The following PPP6R3 variants were observed in gnomAD, a reference collection of about 807,000 sequenced individuals.
PPP6R3 encodes the protein protein phosphatase 6 regulatory subunit 3, also known as serine/threonine-protein phosphatase 6 regulatory subunit 3.
In PPP6R3, 38 loss-of-function variants were observed where a neutral mutation model predicts 110.7. The ratio of observed to expected loss-of-function variants is 0.34; its 90% confidence interval spans 0.26 to 0.45. PPP6R3 has a LOEUF of 0.45. PPP6R3 is among the 20% of genes least tolerant of loss of function. PPP6R3 has a pLI of 1.00. For missense variants in PPP6R3, 870 were observed against 1,062.4 expected (o/e 0.82, Z 2.52); for synonymous variants, 369 against 373.5 (o/e 0.99, Z 0.14).
intron 1 of PPP6R3, chr11:68,488,769 A>T (rs528935539): frequency 9.9e-5 from 15 of 152,256 alleles, no homozygotes; most frequent in African/African-American, 3.6e-4. Flanking sequence ...GGGCAGAATC[A>T]CAGAAGCTGG....
At position 68,575,964 on chromosome 11, in the gene PPP6R3, C is replaced by G. The variant is rs370247087; in HGVS notation, c.1466C>G (p.Pro489Arg). 114 of 1,609,134 alleles carry G rather than the reference C, an allele frequency of 7.1e-5. No homozygotes were observed. The highest frequency in any genetic ancestry group is 9.1e-5 in the Non-Finnish European group (107 of 1,176,834). ...TGCTTTTCTCACTCTGAAGATCTTC[C>G]CGACGAAGTCAGGGAACGATGGGAG... ...ALVQQLIKDLPDEVRERWETF... is the reference protein window; with the variant it reads ...ALVQQLIKDLRDEVRERWETF... Residue 489 changes from proline to arginine, a missense_variant, in exon 14 of 24, where the codon CCC becomes CGC. Transcript: ENST00000393800.
chr11:68,609,891 C>G lies in PPP6R3; in HGVS notation c.2451-13C>G, dbSNP rs1010289293. On this transcript the variant is annotated splice_polypyrimidine_tract_variant and intron_variant, in intron 22 of 23. Coordinates refer to ENST00000393800, the MANE Select transcript of PPP6R3 (RefSeq NM_001164161.2). ...TAGGGTGTTTGATGTGCCTGTCATC[C>G]TCTTTACTGCAGTGAGGAAGGGAAA... 3.7e-6 allele frequency: 6 copies of G among 1,613,686 alleles called. No individual in the cohort carries two copies. The African/African-American group carries it at 8.0e-5, about 22-fold the overall frequency.
At chr11:68,572,133 A>G (rs1359525636) in intron 12 of PPP6R3, among the ~76,000 whole-genome samples, 1 of 152,056 alleles carries the variant, frequency 6.6e-6, no homozygotes, top group Non-Finnish European at 1.5e-5. Flanking sequence ...TAGACCTCAG[A>G]TACATTCTTC....
chr11:68,600,998 G>A (rs998206344), intron 20 of PPP6R3, among the ~76,000 whole-genome samples: 10 of 152,136 alleles, frequency 6.6e-5, no homozygotes, highest in Non-Finnish European at 1.3e-4. Flanking sequence ...TTGGTAACTC[G>A]GAAGATAGGA....
chr11:68,477,743 T>TATATCTATATATATATATATAG lies in PPP6R3; in HGVS notation c.-158+16920_-158+16921insCTATATATATATATATAGATAT, dbSNP rs1565285282. Among the ~76,000 whole-genome samples, 96 of 60,984 alleles carry TATATCTATATATATATATATAG rather than the reference T, an allele frequency of 1.6e-3. 3 individuals carry two copies. The highest frequency in any genetic ancestry group is 3.3e-3 in the Admixed American group (21 of 6,446). The allele number at this position is 60,984 out of a possible 152,430, so 40.0% of individuals were successfully genotyped here. A position where few individuals can be genotyped will look rare whatever the true frequency, so the allele number is the denominator to read the frequency against. ...CATTGTCTCTTAAAAAAAAAAAAAA[T>TATATCTATATATATATATATAG]ATATATATATATATATATATATATA... On this transcript the variant is annotated intron_variant, in intron 1 of 23. Transcript: ENST00000393800.
chr11:68,613,034 A>T (rs199796706), intron 23 of PPP6R3, 32 bp from the exon 24 acceptor site: 1 of 1,614,126 alleles, frequency 6.2e-7, no homozygotes, highest in Non-Finnish European at 8.5e-7. Flanking sequence ...TTCTGCTGCA[A>T]GTGCCTCCGA....
chr11:68,497,839 G>A (rs1820159903), intron 1 of PPP6R3, among the ~76,000 whole-genome samples: 3 of 152,080 alleles, frequency 2.0e-5, no homozygotes, highest in Admixed American at 2.0e-4. Context: ...CTAATCCGTG[G>A]CCACAAAGAT....
intron 19 of PPP6R3, among the ~76,000 whole-genome samples, chr11:68,599,771 C>G (rs1297027800): frequency 2.0e-5 from 3 of 152,232 alleles, no homozygotes; most frequent in Non-Finnish European, 2.9e-5. Context: ...ATTAATCCCT[C>G]TTTGTGCATG....
At chr11:68,529,165 A>G (rs182444606) in intron 2 of PPP6R3, among the ~76,000 whole-genome samples, 2 of 152,218 alleles carry the variant, frequency 1.3e-5, no homozygotes, top group South Asian at 2.1e-4. Context: ...ATATATTTTG[A>G]ATTAGCTTAT....
chr11:68,475,025 C>T (rs552088601), intron 1 of PPP6R3, among the ~76,000 whole-genome samples: 51 of 152,096 alleles, frequency 3.4e-4, no homozygotes, highest in African/African-American at 1.2e-3. Flanking sequence ...AACAAGTGAA[C>T]AAAGGTCTCT....
In PPP6R3 at chr11:68,590,699, C is replaced by G. The variant is rs2099592416; in HGVS notation, c.1770C>G (p.Leu590=). 2 of 1,593,032 alleles carry G rather than the reference C, an allele frequency of 1.3e-6. No individual in the cohort carries two copies. The highest frequency in any genetic ancestry group is 1.7e-6 in the Non-Finnish European group (2 of 1,165,478). Residue 590 remains leucine (L), a synonymous_variant, in exon 17 of 24, where the codon CTC becomes CTG. Coordinates refer to ENST00000393800, the MANE Select transcript of PPP6R3 (RefSeq NM_001164161.2). ...FDRVSDINFT[L]NTNESGNIAL... is the part of the protein sequence containing the mutation. ...GAGTATCAGACATCAACTTTACTCT[C>G]AATACAAATGAAAGTGTAAGTATAA...
At chr11:68,490,688 A>G (rs2098978593) in intron 1 of PPP6R3, among the ~76,000 whole-genome samples, 1 of 149,256 alleles carries the variant, frequency 6.7e-6, no homozygotes, top group Admixed American at 6.7e-5. Context: ...TTCTATTGTC[A>G]TATCCTAATG....
chr11:68,478,455 C>T (rs1447124962), intron 1 of PPP6R3, among the ~76,000 whole-genome samples: 2 of 152,004 alleles, frequency 1.3e-5, no homozygotes, highest in Admixed American at 6.6e-5. Context: ...ACTTAAGTAT[C>T]TTTTGTCAAG....
At chr11:68,569,329 C>T (rs2099493176) in intron 10 of PPP6R3, among the ~76,000 whole-genome samples, 1 of 152,144 alleles carries the variant, frequency 6.6e-6, no homozygotes, top group African/African-American at 2.4e-5. Flanking sequence ...CTTTGGATGC[C>T]TGAAACCACA....
At chr11:68,583,193 A>C in intron 15 of PPP6R3, 64 bp downstream of exon 15, 6 of 1,237,390 alleles carry the variant, frequency 4.8e-6, no homozygotes, top group Non-Finnish European at 5.7e-6. Context: ...GTTGCCTTTT[A>C]TGAATCAGCT....
chr11:68,520,763 GTTTT>G (rs1366171696), intron 2 of PPP6R3, among the ~76,000 whole-genome samples: 3 of 152,022 alleles, frequency 2.0e-5, no homozygotes, highest in African/African-American at 7.2e-5. Context: ...GTCTCATAGA[GTTTT>G]TTTGTTTGTT....
chr11:68,481,716 A>G (rs1265523390), intron 1 of PPP6R3, among the ~76,000 whole-genome samples: 3 of 152,168 alleles, frequency 2.0e-5, no homozygotes, highest in African/African-American at 4.8e-5. Flanking sequence ...AGTTACTAGT[A>G]AAGTGCCTCA....
chr11:68,482,798 T>G (rs1041479973), intron 1 of PPP6R3, among the ~76,000 whole-genome samples: 3 of 152,182 alleles, frequency 2.0e-5, no homozygotes, highest in African/African-American at 7.2e-5. Flanking sequence ...GTCTCCTTTC[T>G]TGATTTTTTT....
chr11:68,469,879 C>A (rs1197848729), intron 1 of PPP6R3, among the ~76,000 whole-genome samples: 1 of 152,178 alleles, frequency 6.6e-6, no homozygotes, highest in Non-Finnish European at 1.5e-5. Context: ...AAGGCAAATA[C>A]CTTGTATGTA....
Sources: allele counts gnomAD v4.1 joint callset (sites outside exome capture counted in the v4.1 genomes callset), GRCh38; gene constraint gnomAD v4.1.1; transcripts MANE v1.5; gene names NCBI Gene and HGNC (gene_info 2026-07-23, HGNC 2026-07-21).